TPD52: variants seen among roughly 807,000 people sequenced by gnomAD.
The protein encoded by TPD52 is tumor protein D52.
TPD52 carries 17 observed loss-of-function variants against 31.3 expected under a neutral mutation model. That is an observed-to-expected ratio of 0.54 (90% confidence interval 0.37 to 0.82). TPD52 has a LOEUF of 0.82. Ranked by LOEUF, TPD52 falls within the 40% of genes least tolerant of loss-of-function variation. The pLI, the probability that TPD52 is intolerant of heterozygous loss-of-function variation, is 0.00. For missense variants in TPD52, 212 were observed against 240.1 expected (o/e 0.88, Z 0.77); for synonymous variants, 83 against 89.6 (o/e 0.93, Z 0.42).
intron 1 of TPD52, among the ~76,000 whole-genome samples, chr8:80,143,170 A>C (rs1190516218): frequency 6.6e-6 from 1 of 151,772 alleles, no homozygotes; most frequent in Non-Finnish European, 1.5e-5. Context: ...CAACTGCTGA[A>C]AAGATGAAAT....
Position 80,038,047 on chromosome 8 carries a change from T to C in TPD52, c.*69A>G, listed in dbSNP as rs1810030084. ...TCTGGTAGAAATTCATGGCAATGCA[T>C]GTTGACAAGATGTGCTTGGACCTCG... On this transcript the variant is annotated 3_prime_UTR_variant, in exon 8 of 8. Coordinates refer to ENST00000518937, the MANE Select transcript of TPD52 (RefSeq NM_001025253.3). 6.3e-7 allele frequency: 1 copy of C among 1,575,408 alleles called. No individual in the cohort carries two copies. The highest frequency in any genetic ancestry group is 8.7e-7 in the Non-Finnish European group (1 of 1,154,812).
chr8:80,041,889 A>T (rs1326274575), intron 7 of TPD52, among the ~76,000 whole-genome samples: 1 of 152,110 alleles, frequency 6.6e-6, no homozygotes, highest in African/African-American at 2.4e-5. Context: ...GGAGATGGAG[A>T]CCATTCTGGC....
intron 1 of TPD52, among the ~76,000 whole-genome samples, chr8:80,098,705 T>A (rs1406813284): frequency 6.6e-6 from 1 of 152,242 alleles, no homozygotes; most frequent in Non-Finnish European, 1.5e-5. Context: ...GAATTTAGAA[T>A]ATTACATAAA....
At chr8:80,164,490 A>G (rs951440855) in intron 1 of TPD52, among the ~76,000 whole-genome samples, 5 of 152,214 alleles carry the variant, frequency 3.3e-5, no homozygotes, top group African/African-American at 1.2e-4. Context: ...CAGATTGAGG[A>G]AAGATTTAAA....
rs1809863543 is a variant in TPD52 at position 80,035,815 on chromosome 8, ACT to A, written c.*2299_*2300del. ...ATTTCATAAGTATCTGAGATTTCAC[ACT>A]CTTGCTATTTTCTTAGTGTCAAACA... On this transcript the variant is annotated 3_prime_UTR_variant, in exon 8 of 8. Transcript: ENST00000518937. 1 of 152,106 alleles carries A rather than the reference ACT, an allele frequency of 6.6e-6. No homozygotes were observed. Among genetic ancestry groups the A allele is most frequent in the African/African-American group, 2.4e-5 (1 of 41,424 alleles). The allele number at this position is 152,106 out of a possible 1,614,324, so 9.4% of individuals were successfully genotyped here. A position where few individuals can be genotyped will look rare whatever the true frequency, so the allele number is the denominator to read the frequency against.
At chr8:80,153,089 G>T (rs1810696640) in intron 1 of TPD52, among the ~76,000 whole-genome samples, 1 of 152,172 alleles carries the variant, frequency 6.6e-6, no homozygotes, top group South Asian at 2.1e-4. Flanking sequence ...AGAGTGCTGA[G>T]GTTACTAGGA....
intron 1 of TPD52, among the ~76,000 whole-genome samples, chr8:80,147,311 C>A (rs1271928608): frequency 1.3e-5 from 2 of 152,106 alleles, no homozygotes; most frequent in African/African-American, 4.8e-5. Flanking sequence ...ATAAGGGAGA[C>A]CTCGCTGACG....
chr8:80,044,145 A>G (rs1308510873), intron 6 of TPD52, 22 bp downstream of exon 6: 2 of 1,577,784 alleles, frequency 1.3e-6, no homozygotes, highest in Admixed American at 1.9e-5. Context: ...GACCAACTAC[A>G]TTTCATAAAA....
rs573807830 is a variant in TPD52 at position 80,034,790 on chromosome 8, T to C, written c.*3326A>G. 5.3e-5 allele frequency: 8 copies of C among 152,302 alleles called. No individual in the cohort carries two copies. In the South Asian group the frequency reaches 1.7e-3, roughly 32 times the overall value. 9.4% of individuals were successfully genotyped at this position (152,302 alleles called of 1,614,324 possible). A position where few individuals can be genotyped will look rare whatever the true frequency, so the allele number is the denominator to read the frequency against. The stretch of plus-strand genomic sequence containing the variant: ...ACTGTATTTGGCTTTTTCTATATGA[T>C]AGAAGAACCACAAAATTAATAAAAT... On this transcript the variant is annotated 3_prime_UTR_variant, in exon 8 of 8. Coordinates refer to ENST00000518937, the MANE Select transcript of TPD52 (RefSeq NM_001025253.3).
chr8:80,066,358 T>G (rs990633089), intron 1 of TPD52, among the ~76,000 whole-genome samples: 3 of 152,096 alleles, frequency 2.0e-5, no homozygotes, highest in African/African-American at 7.2e-5. Flanking sequence ...AGCACAGAAC[T>G]GTTAAAGGCA....
At chr8:80,157,604 C>T (rs145189673) in intron 1 of TPD52, among the ~76,000 whole-genome samples, 1 of 152,308 alleles carries the variant, frequency 6.6e-6, no homozygotes, top group Non-Finnish European at 1.5e-5. Context: ...CTGCACAAAT[C>T]AGTCCCATAG....
intron 1 of TPD52, among the ~76,000 whole-genome samples, chr8:80,142,238 C>A (rs1336762631): frequency 6.6e-6 from 1 of 152,160 alleles, no homozygotes; most frequent in Admixed American, 6.5e-5. Flanking sequence ...AGGCACAAAT[C>A]GGGTCTGTAT....
intron 1 of TPD52, among the ~76,000 whole-genome samples, chr8:80,166,291 CAA>C (rs1290326236): frequency 6.6e-6 from 1 of 151,932 alleles, no homozygotes; most frequent in Non-Finnish European, 1.5e-5. Flanking sequence ...CCAGCCTGGG[CAA>C]GAGAGAGAGA....
chr8:80,037,905 A>C lies in TPD52; in HGVS notation c.*211T>G. The C allele has an allele frequency of 2.0e-6, 1 of 501,742 alleles. No individual in the cohort carries two copies. Among genetic ancestry groups the C allele is most frequent in the Non-Finnish European group, 3.4e-6 (1 of 296,074 alleles). The allele number at this position is 501,742 out of a possible 1,614,324, so 31.1% of individuals were successfully genotyped here. A position where few individuals can be genotyped will look rare whatever the true frequency, so the allele number is the denominator to read the frequency against. ...TTTTATAATGGTGTTTCCTAAATAAAGGAACATAAATGTACACTAAAGGGT... is the reference window on the plus strand; with the variant it reads ...TTTTATAATGGTGTTTCCTAAATAACGGAACATAAATGTACACTAAAGGGT... On this transcript the variant is annotated 3_prime_UTR_variant, in exon 8 of 8. Coordinates refer to ENST00000518937, the MANE Select transcript of TPD52 (RefSeq NM_001025253.3).
At chr8:80,162,177 A>C (rs1435564488) in intron 1 of TPD52, among the ~76,000 whole-genome samples, 1 of 152,220 alleles carries the variant, frequency 6.6e-6, no homozygotes, top group Non-Finnish European at 1.5e-5. Context: ...CAGAAAAGAC[A>C]CCAAGAAGGA....
chr8:80,145,878 G>T (rs184588816), intron 1 of TPD52, among the ~76,000 whole-genome samples: 14 of 152,202 alleles, frequency 9.2e-5, no homozygotes, highest in African/African-American at 3.4e-4. Context: ...TTTTTGGAAG[G>T]GGAGGAGGAG....
At chr8:80,138,690 TCTTGC>T (rs904699484) in intron 1 of TPD52, among the ~76,000 whole-genome samples, 1 of 152,186 alleles carries the variant, frequency 6.6e-6, no homozygotes. Flanking sequence ...GGTTCTACCA[TCTTGC>T]CTCAGCTCAT....
At chr8:80,147,548 T>C (rs1218630638) in intron 1 of TPD52, among the ~76,000 whole-genome samples, 1 of 152,208 alleles carries the variant, frequency 6.6e-6, no homozygotes, top group African/African-American at 2.4e-5. Flanking sequence ...AAGACCTTGT[T>C]TGAGAAAGCT....
intron 7 of TPD52, chr8:80,042,058 C>T (rs1810441593): frequency 3.9e-6 from 2 of 510,612 alleles, no homozygotes; most frequent in Non-Finnish European, 5.0e-6. Flanking sequence ...CACTGCACTC[C>T]AGCCTGGGCA....
Sources: gnomAD v4.1 joint callset for allele counts (sites outside exome capture counted in the v4.1 genomes callset) on GRCh38, gnomAD v4.1.1 for gene constraint, MANE v1.5 for transcripts, NCBI Gene and HGNC (gene_info 2026-07-23, HGNC 2026-07-21) for gene names.